HS3ST1: variants seen among roughly 807,000 people sequenced by gnomAD.
HS3ST1 encodes the protein heparan sulfate glucosamine 3-O-sulfotransferase 1.
Under a neutral mutation model 20.7 loss-of-function variants are expected in HS3ST1, and 8 were observed. The observed-to-expected ratio is 0.39, with a 90% CI of 0.23 to 0.70. HS3ST1 has a LOEUF of 0.70. Ranked by LOEUF, HS3ST1 falls within the 30% of genes least tolerant of loss-of-function variation. The pLI is 0.46. For synonymous variants in HS3ST1, 205 were observed against 190.4 expected, an observed-to-expected ratio of 1.08 and a Z score of -0.63; for missense variants, 436 against 423.4, an observed-to-expected ratio of 1.03 and a Z score of -0.26.
rs549192131 is a variant in HS3ST1, at chr4:11,395,517, G to C, written c.*3565C>G. The C allele has an allele frequency of 6.1e-5, 6 of 98,452 alleles. No individual in the cohort carries two copies. The South Asian group carries it at 2.0e-3, about 33-fold the overall frequency. 6.1% of individuals were successfully genotyped at this position (98,452 alleles called of 1,614,324 possible). On this transcript the variant is annotated 3_prime_UTR_variant, in exon 2 of 2. Transcript: ENST00000002596. ...TTTTGAGATGGAGTCTTGCTCTGTT[G>C]CCCAGGCTGGAGTGCAGTGGCATCA...
chr4:11,421,292 C>A (rs2108889800), intron 1 of HS3ST1, among the ~76,000 whole-genome samples: 1 of 152,334 alleles, frequency 6.6e-6, no homozygotes, highest in East Asian at 1.9e-4. Context: ...AAGTCATGCT[C>A]TTTCAACCAC....
intron 1 of HS3ST1, among the ~76,000 whole-genome samples, chr4:11,427,185 T>G (rs1719082496): frequency 6.6e-6 from 1 of 152,208 alleles, no homozygotes; most frequent in African/African-American, 2.4e-5. Flanking sequence ...GAGATTTGCC[T>G]GCAAAGCGAG....
chr4:11,417,926 T>A (rs1170398238), intron 1 of HS3ST1, among the ~76,000 whole-genome samples: 1 of 152,236 alleles, frequency 6.6e-6, no homozygotes, highest in Non-Finnish European at 1.5e-5. Flanking sequence ...AGAGTTACCA[T>A]ATTCGATTCA....
At chr4:11,433,682 A>G (rs765103493), upstream of HS3ST1, among the ~76,000 whole-genome samples, 1 of 151,054 alleles carries the variant, frequency 6.6e-6, no homozygotes, top group Non-Finnish European at 1.5e-5. Flanking sequence ...TCAGAAAAAA[A>G]AAAGTTTTCC....
rs1459121295 is a variant in HS3ST1 at position 11,420,874 on chromosome 4, T to G, written c.-109+7825A>C. Among the ~76,000 whole-genome samples the G allele has an allele frequency of 3.9e-5, 6 of 152,336 alleles. No homozygotes were observed. The South Asian group carries it at 1.2e-3, about 32-fold the overall frequency. On this transcript the variant is annotated intron_variant, in intron 1 of 1. Transcript: ENST00000002596. ...TTTCACCTTGAAGACAACACTGCTT[T>G]CTTTATCTTTCTATGGCACAAGAAC...
At chr4:11,405,760 G>C (rs1021203486) in intron 1 of HS3ST1, among the ~76,000 whole-genome samples, 4 of 151,152 alleles carry the variant, frequency 2.6e-5, no homozygotes, top group African/African-American at 9.8e-5. Flanking sequence ...GAAAATATTT[G>C]GATTAAAAAA....
chr4:11,398,963 A>G lies in HS3ST1; in HGVS notation c.*119T>C, dbSNP rs1718222959. On this transcript the variant is annotated 3_prime_UTR_variant, in exon 2 of 2. Coordinates refer to ENST00000002596, the MANE Select transcript of HS3ST1 (RefSeq NM_005114.4). ...AATTGTGAATCTAATACTGTACAGA[A>G]GTACTTTATGGATTTTACAAATAAA... 2.3e-6 allele frequency: 2 copies of G among 873,604 alleles called. No individual in the cohort carries two copies. Among genetic ancestry groups the G allele is most frequent in the Admixed American group, 2.4e-5 (1 of 40,986 alleles). The allele number at this position is 873,604 out of a possible 1,614,324, so 54.1% of individuals were successfully genotyped here.
intron 1 of HS3ST1, among the ~76,000 whole-genome samples, chr4:11,405,537 G>A (rs1055863044): frequency 2.0e-5 from 3 of 152,126 alleles, no homozygotes; most frequent in Non-Finnish European, 4.4e-5. Flanking sequence ...CTGGTATATA[G>A]CACATACTAG....
At chr4:11,427,780 A>G (rs935240971) in intron 1 of HS3ST1, among the ~76,000 whole-genome samples, 2 of 152,222 alleles carry the variant, frequency 1.3e-5, no homozygotes, top group Non-Finnish European at 1.5e-5. Flanking sequence ...AGAGCCCAGC[A>G]CACCCCATCC....
At chr4:11,405,770 A>G (rs1718448087) in intron 1 of HS3ST1, among the ~76,000 whole-genome samples, 1 of 152,192 alleles carries the variant, frequency 6.6e-6, no homozygotes, top group African/African-American at 2.4e-5. Context: ...GGATTAAAAA[A>G]GAGGGGAAGC....
In HS3ST1 at chr4:11,424,259, A is replaced by G. The variant is rs76510479; in HGVS notation, c.-109+4440T>C. ...AAAGCATAATGTATTAGAGAAAAAG[A>G]AAGATGCCCACTGGGATCTATTTCT... On this transcript the variant is annotated intron_variant, in intron 1 of 1. Coordinates refer to ENST00000002596, the MANE Select transcript of HS3ST1 (RefSeq NM_005114.4). Among the ~76,000 whole-genome samples the G allele has an allele frequency of 9.8e-3, 1,497 of 152,356 alleles. 8 individuals are homozygous for G. The highest frequency in any genetic ancestry group is 0.034 in the South Asian group (165 of 4,832).
intron 1 of HS3ST1, among the ~76,000 whole-genome samples, chr4:11,406,178 C>T (rs981920487): frequency 6.6e-6 from 1 of 152,190 alleles, no homozygotes. Context: ...GTGGTAAGCA[C>T]TTGGGTATAA....
intron 1 of HS3ST1, among the ~76,000 whole-genome samples, chr4:11,414,317 G>A (rs1212381099): frequency 1.3e-5 from 2 of 151,508 alleles, no homozygotes; most frequent in African/African-American, 4.9e-5. Context: ...GTGTGTGTGT[G>A]TATATATACA....
intron 1 of HS3ST1, among the ~76,000 whole-genome samples, chr4:11,403,682 C>T (rs1036352800): frequency 6.6e-6 from 1 of 152,182 alleles, no homozygotes; most frequent in African/African-American, 2.4e-5. Context: ...ACTCCCTGGC[C>T]ACCAACTTCC....
chr4:11,431,620 C>T (rs1486346082), upstream of HS3ST1, among the ~76,000 whole-genome samples: 1 of 152,166 alleles, frequency 6.6e-6, no homozygotes, highest in East Asian at 1.9e-4. Context: ...TCCTAGCCTA[C>T]CTTTACAGAC....
intron 1 of HS3ST1, among the ~76,000 whole-genome samples, chr4:11,419,764 T>C (rs1299178697): frequency 1.3e-5 from 2 of 152,220 alleles, no homozygotes; most frequent in African/African-American, 4.8e-5. Context: ...GTCTGTGGTC[T>C]TTGTGACAGG....
intron 1 of HS3ST1, among the ~76,000 whole-genome samples, chr4:11,405,104 C>G (rs986022340): frequency 5.3e-5 from 8 of 152,164 alleles, no homozygotes; most frequent in Admixed American, 4.6e-4. Flanking sequence ...AATAGTTGTG[C>G]CTTGCACCAA....
intron 1 of HS3ST1, among the ~76,000 whole-genome samples, chr4:11,409,159 C>T (rs1490800108): frequency 2.0e-5 from 3 of 152,186 alleles, no homozygotes; most frequent in African/African-American, 7.2e-5. Flanking sequence ...ATCTTACTAA[C>T]CCCCAGACAC....
intron 1 of HS3ST1, among the ~76,000 whole-genome samples, chr4:11,410,630 T>C (rs147082634): frequency 7.6e-4 from 116 of 152,226 alleles, no homozygotes; most frequent in African/African-American, 2.3e-3. Context: ...CGGTGGCTTA[T>C]GCCTGTAATC....
Sources: allele counts gnomAD v4.1 joint callset (sites outside exome capture counted in the v4.1 genomes callset), GRCh38; gene constraint gnomAD v4.1.1; transcripts MANE v1.5; gene names NCBI Gene and HGNC (gene_info 2026-07-23, HGNC 2026-07-21).